RFLNA: variants seen among roughly 807,000 people sequenced by gnomAD.
The protein encoded by RFLNA is refilin A.
In RFLNA, 5 loss-of-function variants were observed where a neutral mutation model predicts 7.8. That is an observed-to-expected ratio of 0.64 (90% CI 0.34 to 1.35). The LOEUF (loss-of-function observed/expected upper bound fraction) is 1.35. RFLNA is among the 40% of genes most tolerant of loss of function. The pLI is 0.04. For missense variants in RFLNA, 278 were observed against 305.5 expected, an observed-to-expected ratio of 0.91 and a Z score of 0.67; for synonymous variants, 141 against 131.3, an observed-to-expected ratio of 1.07 and a Z score of -0.50.
rs573548170 is a variant in RFLNA, at chr12:124,304,500, C to T, written c.208-7318C>T. ...CAGCCAGGTGGGGAGCGGGACCGGG[C>T]GGAAAGGGGCTGCCTTTGTCGGCGC... On this transcript the variant is annotated intron_variant, in intron 1 of 2. Transcript: ENST00000546355. Among the ~76,000 whole-genome samples, 439 of 152,308 alleles carry T rather than the reference C, an allele frequency of 2.9e-3. 2 individuals carry two copies. The highest frequency in any genetic ancestry group is 0.01 in the African/African-American group (417 of 41,570).
intron 1 of RFLNA, among the ~76,000 whole-genome samples, chr12:124,298,055 G>A (rs1476003069): frequency 6.6e-6 from 1 of 152,228 alleles, no homozygotes; most frequent in East Asian, 1.9e-4. Context: ...GCGGTGCCGG[G>A]TTTCCATGTG....
chr12:124,292,676 C>T (rs553486531), upstream of RFLNA, among the ~76,000 whole-genome samples: 5 of 152,246 alleles, frequency 3.3e-5, no homozygotes, highest in South Asian at 4.1e-4. Flanking sequence ...ATATCTCTGA[C>T]GGTTATCCAC....
chr12:124,313,957 C>T (rs546328000), intron 2 of RFLNA, among the ~76,000 whole-genome samples: 102 of 152,332 alleles, frequency 6.7e-4, no homozygotes, highest in African/African-American at 2.4e-3. Flanking sequence ...CTCCCCAGTT[C>T]AGGATCCAGT....
At position 124,314,753 on chromosome 12, in the gene RFLNA, T is replaced by C. The variant is rs1258587889; in HGVS notation, c.*228T>C. On this transcript the variant is annotated 3_prime_UTR_variant, in exon 3 of 3. Coordinates refer to ENST00000546355, the MANE Select transcript of RFLNA (RefSeq NM_001365156.1). Reference sequence around the variant, plus strand: ...CAAGGACTCAGTAAAAGCATCTATTTTTTTAGCACTTAAGCTGGCAAGGCG... The same window carrying C: ...CAAGGACTCAGTAAAAGCATCTATTCTTTTAGCACTTAAGCTGGCAAGGCG... 2 of 788,948 alleles carry C rather than the reference T, an allele frequency of 2.5e-6. No individual in the cohort carries two copies. The highest frequency in any genetic ancestry group is 2.0e-5 in the Admixed American group (1 of 49,904). 48.9% of individuals were successfully genotyped at this position (788,948 alleles called of 1,614,324 possible). A position where few individuals can be genotyped will look rare whatever the true frequency, so the allele number is the denominator to read the frequency against.
At position 124,315,274 on chromosome 12, in the gene RFLNA, G is replaced by T. The variant is rs2034331514; in HGVS notation, c.*749G>T. On this transcript the variant is annotated 3_prime_UTR_variant, in exon 3 of 3. Transcript: ENST00000546355. ...GTCGAAATGGAAAGGTTGGTGCTCA[G>T]CCTCTGGAGCCTCACCTGCAGGGCG... 1 of 154,748 alleles carries T rather than the reference G, an allele frequency of 6.5e-6. No individual in the cohort carries two copies. Among genetic ancestry groups the T allele is most frequent in the Non-Finnish European group, 1.4e-5 (1 of 69,746 alleles). 9.6% of individuals were successfully genotyped at this position (154,748 alleles called of 1,614,324 possible).
At chr12:124,290,167 C>T (rs1047035844), upstream of RFLNA, among the ~76,000 whole-genome samples, 5 of 152,202 alleles carry the variant, frequency 3.3e-5, no homozygotes, top group Non-Finnish European at 5.9e-5. This position sits in a 1 kb window ranked among gnomAD's most constrained non-coding sequence, Gnocchi z 4.0. Context: ...TTCGCTGACA[C>T]CGCAGTTCTC....
At position 124,295,348 on chromosome 12, in the gene RFLNA, C is replaced by T. The variant is rs1212200557; in HGVS notation, c.-82C>T. ...GTCCCCGGGCGCGCAGCTCTCGCCCCGCCGCCGCCTGCCCCGGGCCCCGGA... is the reference window on the plus strand; with the variant it reads ...GTCCCCGGGCGCGCAGCTCTCGCCCTGCCGCCGCCTGCCCCGGGCCCCGGA... On this transcript the variant is annotated 5_prime_UTR_variant, in exon 1 of 3. Transcript: ENST00000546355. The T allele has an allele frequency of 1.6e-5, 14 of 860,210 alleles. No individual in the cohort carries two copies. In the East Asian group the frequency reaches 4.0e-4, roughly 25 times the overall value. 53.3% of individuals were successfully genotyped at this position (860,210 alleles called of 1,614,324 possible).
intron 1 of RFLNA, among the ~76,000 whole-genome samples, chr12:124,300,909 C>G (rs2034024126): frequency 8.0e-6 from 1 of 124,338 alleles, no homozygotes; most frequent in Non-Finnish European, 1.7e-5. Context: ...GATGGATGGG[C>G]AGAAGGGTGG....
chr12:124,302,773 G>GA (rs1403782601), intron 1 of RFLNA, among the ~76,000 whole-genome samples: 1 of 141,010 alleles, frequency 7.1e-6, no homozygotes, highest in African/African-American at 2.5e-5. Context: ...AGGGAGGTCA[G>GA]GGGCCGAGGT....
chr12:124,292,985 A>G (rs188662128), upstream of RFLNA, among the ~76,000 whole-genome samples: 921 of 152,338 alleles, frequency 6.0e-3, 8 homozygotes, highest in African/African-American at 0.022. Flanking sequence ...GTGCAGTGGC[A>G]TGACCTCAGC....
intron 1 of RFLNA, among the ~76,000 whole-genome samples, chr12:124,300,690 A>T (rs2034013373): frequency 7.6e-6 from 1 of 131,982 alleles, no homozygotes; most frequent in Non-Finnish European, 1.6e-5. Context: ...ATGGGCAAAT[A>T]GATAGAAGGA....
In RFLNA at chr12:124,314,832, T is replaced by G; in HGVS notation, c.*307T>G. Reference sequence around the variant, plus strand: ...CACCCCCAGGGTCAGGGGAAAAGAATGGGTCCATGGAGTGCCCTTGAAGCA... The same window carrying G: ...CACCCCCAGGGTCAGGGGAAAAGAAGGGGTCCATGGAGTGCCCTTGAAGCA... On this transcript the variant is annotated 3_prime_UTR_variant, in exon 3 of 3. Coordinates refer to ENST00000546355, the MANE Select transcript of RFLNA (RefSeq NM_001365156.1). 1 of 580,110 alleles carries G rather than the reference T, an allele frequency of 1.7e-6. No homozygotes were observed. Among genetic ancestry groups the G allele is most frequent in the Non-Finnish European group, 3.3e-6 (1 of 307,574 alleles). 35.9% of individuals were successfully genotyped at this position (580,110 alleles called of 1,614,324 possible).
intron 1 of RFLNA, among the ~76,000 whole-genome samples, chr12:124,302,987 G>T (rs982198816): frequency 6.6e-6 from 1 of 152,106 alleles, no homozygotes; most frequent in Non-Finnish European, 1.5e-5. Flanking sequence ...AACGGGGGAG[G>T]GGGGGCTCTG....
intron 1 of RFLNA, among the ~76,000 whole-genome samples, chr12:124,301,507 C>T (rs904643): frequency 0.76 from 116,229 of 152,154 alleles, 46,696 homozygotes; most frequent in Non-Finnish European, 0.9. Context: ...GGCCTCCCTG[C>T]GGGGCACGGT....
rs762634298 is a variant in RFLNA at position 124,314,351 on chromosome 12, G to A, written c.477G>A (p.Pro159=). The A allele has an allele frequency of 1.8e-5, 29 of 1,613,116 alleles. No individual in the cohort carries two copies. The highest frequency in any genetic ancestry group is 1.2e-4 in the South Asian group (11 of 91,080). The change falls in exon 3 of 3, where the codon CCG becomes CCA. Residue 159 remains proline, a synonymous_variant. Coordinates refer to ENST00000546355, the MANE Select transcript of RFLNA (RefSeq NM_001365156.1). ...GCCAGCTGACCCTGGAGCCACGCCC[G>A]CGCGCCCTGCGCTTCCGCAGCACCA... is the stretch of plus-strand genomic sequence containing the variant. ...YRSQLTLEPR[P]RALRFRSTTI...
intron 1 of RFLNA, among the ~76,000 whole-genome samples, chr12:124,310,374 A>C (rs966789028): frequency 2.7e-5 from 4 of 150,738 alleles, no homozygotes; most frequent in Non-Finnish European, 5.9e-5. Flanking sequence ...TTCCGGAGGG[A>C]AGAGTGGGGT....
Position 124,295,635 on chromosome 12 carries a change from C to A in RFLNA, c.206C>A (p.Ala69Glu). Residue 69 changes from alanine to glutamate, a missense_variant and splice_region_variant, in exon 1 of 3, where the codon GCG becomes GAG. Transcript: ENST00000546355. Reference sequence around the variant, plus strand: ...CCCCCGGGACCCAGCGAGGCCAGAGCGGTAAGGAGGCGCTCTCTCTCCCAA... The same window carrying A: ...CCCCCGGGACCCAGCGAGGCCAGAGAGGTAAGGAGGCGCTCTCTCTCCCAA... ...SEPPGPSEAR[A>E]PPSQLPNPPA... 2 of 1,233,132 alleles carry A rather than the reference C, an allele frequency of 1.6e-6. No individual in the cohort carries two copies. The highest frequency in any genetic ancestry group is 2.0e-6 in the Non-Finnish European group (2 of 988,166). 76.4% of individuals were successfully genotyped at this position (1,233,132 alleles called of 1,614,324 possible). A position where few individuals can be genotyped will look rare whatever the true frequency, so the allele number is the denominator to read the frequency against.
In RFLNA at chr12:124,296,139, TTCTTCTCTTC is replaced by T. The variant is rs1263671980; in HGVS notation, c.207+540_207+549del. Among the ~76,000 whole-genome samples the T allele has an allele frequency of 2.7e-3, 4 of 1,466 alleles. 2 individuals are homozygous for T. Among genetic ancestry groups the T allele is most frequent in the African/African-American group, 3.2e-3 (4 of 1,248 alleles). The allele number at this position is 1,466 out of a possible 152,430, so 1.0% of individuals were successfully genotyped here. A position where few individuals can be genotyped will look rare whatever the true frequency, so the allele number is the denominator to read the frequency against. ...TTCTTTCTTTCTCTCTCTCTCTCTC[TTCTTCTCTTC>T]TCTTCTCTTCTCTTCTCTTCTCTTC... On this transcript the variant is annotated intron_variant, in intron 1 of 2. Coordinates refer to ENST00000546355, the MANE Select transcript of RFLNA (RefSeq NM_001365156.1).
At chr12:124,311,693 C>A in intron 1 of RFLNA, 125 bp from the exon 2 acceptor site, 2 of 921,368 alleles carry the variant, frequency 2.2e-6, no homozygotes, top group Non-Finnish European at 3.1e-6. Context: ...CTGATGGGCC[C>A]CACCAAGCAG....
Sources: gnomAD v4.1 joint callset for allele counts (sites outside exome capture counted in the v4.1 genomes callset) on GRCh38, gnomAD v4.1.1 for gene constraint, Gnocchi (gnomAD v3.1) non-coding constraint, MANE v1.5 for transcripts, NCBI Gene and HGNC (gene_info 2026-07-23, HGNC 2026-07-21) for gene names.